MBNL2: variants seen among roughly 807,000 people sequenced by gnomAD.
MBNL2 encodes muscleblind-like protein 2.
MBNL2 carries 17 observed loss-of-function variants against 41.9 expected under a neutral mutation model. The observed-to-expected ratio is 0.41, with a 90% CI of 0.28 to 0.61. The LOEUF is 0.61. Ranked by LOEUF, MBNL2 falls within the 20% of genes least tolerant of loss-of-function variation. The pLI is 0.35. For missense variants in MBNL2, 336 were observed against 505.6 expected, an observed-to-expected ratio of 0.66 and a Z score of 3.22; for synonymous variants, 195 against 182.9, an observed-to-expected ratio of 1.07 and a Z score of -0.53.
At chr13:97,143,485 TGGA>T in the MBNL2 span, among the ~76,000 whole-genome samples, 2 of 152,196 alleles carry the variant, frequency 1.3e-5, no homozygotes, top group Admixed American at 6.5e-5. Flanking sequence ...TTCAGCAAGG[TGGA>T]GAACAGGAGG....
intron 8 of MBNL2, among the ~76,000 whole-genome samples, chr13:97,380,898 C>T (rs1005667022): frequency 6.6e-6 from 1 of 152,160 alleles, no homozygotes; most frequent in African/African-American, 2.4e-5. Context: ...ACTTACCGCA[C>T]TGCAGAGGTG....
At chr13:97,359,285 A>T (rs79788424) in intron 7 of MBNL2, among the ~76,000 whole-genome samples, 1 of 151,910 alleles carries the variant, frequency 6.6e-6, no homozygotes, top group Admixed American at 6.6e-5. Flanking sequence ...AAAAAAAAAA[A>T]TTAAGGAAGA....
At chr13:97,253,317 T>A (rs982210244) in intron 1 of MBNL2, among the ~76,000 whole-genome samples, 10 of 152,196 alleles carry the variant, frequency 6.6e-5, no homozygotes, top group Non-Finnish European at 1.0e-4. Flanking sequence ...AATGAAAAAG[T>A]ATAGTCCCAA....
chr13:97,363,863 AG>A (rs2063629883), intron 7 of MBNL2, among the ~76,000 whole-genome samples: 1 of 152,116 alleles, frequency 6.6e-6, no homozygotes, highest in Non-Finnish European at 1.5e-5. Context: ...TCAGGCAAAA[AG>A]TCGCCCTCCA....
intron 2 of MBNL2, among the ~76,000 whole-genome samples, chr13:97,311,988 T>G (rs1341683939): frequency 6.6e-6 from 1 of 152,234 alleles, no homozygotes; most frequent in Non-Finnish European, 1.5e-5. Context: ...ACTCTTGGTG[T>G]TAACTTGAAT....
chr13:97,291,389 G>A (rs2055934723), intron 2 of MBNL2, among the ~76,000 whole-genome samples: 1 of 152,008 alleles, frequency 6.6e-6, no homozygotes, highest in Non-Finnish European at 1.5e-5. Context: ...CTACAGGCAT[G>A]TGCCACCACA....
chr13:97,356,412 C>T (rs988712310), intron 5 of MBNL2, among the ~76,000 whole-genome samples: 1 of 101,184 alleles, frequency 9.9e-6, no homozygotes, highest in East Asian at 2.4e-4. Context: ...ATGGCCCTTA[C>T]AAATTTTGCA....
chr13:97,252,485 T>C (rs1237843967), intron 1 of MBNL2, among the ~76,000 whole-genome samples: 1 of 152,212 alleles, frequency 6.6e-6, no homozygotes, highest in African/African-American at 2.4e-5. Flanking sequence ...AGAACTAATA[T>C]TTTTAGATGA....
In MBNL2 at chr13:97,372,037, C is replaced by G. The variant is rs181039181; in HGVS notation, c.1048+6866C>G. ...GCTTCTGCTTAAAGGAAAGAGTCCC[C>G]TCAGGTGTAGAGTCAATGCATATTG... On this transcript the variant is annotated intron_variant, in intron 8 of 8. Coordinates refer to ENST00000679496, the MANE Select transcript of MBNL2 (RefSeq NM_001382683.1). 2.7e-3 allele frequency among the ~76,000 whole-genome samples: 416 copies of G among 152,310 alleles called. 7 individuals are homozygous for G. The highest frequency in any genetic ancestry group is 1.5e-3 in the Non-Finnish European group (102 of 68,022).
chr13:97,321,540 A>G (rs1242099692), intron 2 of MBNL2, among the ~76,000 whole-genome samples: 1 of 152,210 alleles, frequency 6.6e-6, no homozygotes, highest in Non-Finnish European at 1.5e-5. Context: ...TCTCCCATGG[A>G]CCACAGCAGG....
intron 1 of MBNL2, among the ~76,000 whole-genome samples, chr13:97,236,955 CAAATG>C (rs1172966344): frequency 6.6e-6 from 1 of 151,666 alleles, no homozygotes; most frequent in African/African-American, 2.4e-5. Flanking sequence ...GCAATCAAGA[CAAATG>C]GAAGGAAGGA....
At chr13:97,282,454 A>G (rs1344485856) in intron 2 of MBNL2, among the ~76,000 whole-genome samples, 1 of 152,204 alleles carries the variant, frequency 6.6e-6, no homozygotes, top group Non-Finnish European at 1.5e-5. Context: ...AGACAGAGAC[A>G]CTACAAGAGA....
At chr13:97,172,882 G>A in the MBNL2 span, 16 of 152,208 alleles carry the variant, frequency 1.1e-4, no homozygotes, top group African/African-American at 3.6e-4. Context: ...GCACAGAAGA[G>A]TGTTTAGCAC....
At chr13:97,151,398 G>GT in the MBNL2 span, among the ~76,000 whole-genome samples, 2 of 151,998 alleles carry the variant, frequency 1.3e-5, no homozygotes, top group African/African-American at 4.8e-5. Context: ...CTTCAAGGAG[G>GT]TTAAAAAAAA....
intron 1 of MBNL2, among the ~76,000 whole-genome samples, chr13:97,266,485 G>A (rs2049829350): frequency 1.3e-5 from 2 of 152,170 alleles, no homozygotes; most frequent in African/African-American, 4.8e-5. Flanking sequence ...TGTGATTACA[G>A]GGCAGTCTTA....
chr13:97,217,862 G>T (rs2152752637), upstream of MBNL2, among the ~76,000 whole-genome samples: 1 of 152,172 alleles, frequency 6.6e-6, no homozygotes, highest in African/African-American at 2.4e-5. Context: ...AGGTGGTGGG[G>T]GGTTTAATTA....
At chr13:97,248,580 G>A (rs1218517074) in intron 1 of MBNL2, among the ~76,000 whole-genome samples, 1 of 152,146 alleles carries the variant, frequency 6.6e-6, no homozygotes, top group Non-Finnish European at 1.5e-5. Flanking sequence ...CCCAAAACAT[G>A]TGCTATGGGT....
intron 8 of MBNL2, among the ~76,000 whole-genome samples, chr13:97,384,753 A>G (rs201630754): frequency 6.6e-6 from 1 of 152,206 alleles, no homozygotes. Flanking sequence ...TTAAAGAGGC[A>G]GTGAAATATT....
At position 97,374,063 on chromosome 13, in the gene MBNL2, A is replaced by ATTTTTTTTTTTT. The variant is rs61185219; in HGVS notation, c.1048+8910_1048+8921dup. On this transcript the variant is annotated intron_variant, in intron 8 of 8. Transcript: ENST00000679496. ...CACCTCAAATCCCATCCTCCTTTGCATTTTTTTTTTTTTTTTTTTTTTTTT... is the reference window on the plus strand; with the variant it reads ...CACCTCAAATCCCATCCTCCTTTGCATTTTTTTTTTTTTTTTTTTTTTTTTTTTTTTTTTTTT... Among the ~76,000 whole-genome samples, 427 of 63,104 alleles carry ATTTTTTTTTTTT rather than the reference A, an allele frequency of 6.8e-3. 60 individuals are homozygous for ATTTTTTTTTTTT. Among genetic ancestry groups the ATTTTTTTTTTTT allele is most frequent in the Non-Finnish European group, 9.1e-3 (296 of 32,504 alleles). The allele number at this position is 63,104 out of a possible 152,430, so 41.4% of individuals were successfully genotyped here. A position where few individuals can be genotyped will look rare whatever the true frequency, so the allele number is the denominator to read the frequency against.
Sources: gnomAD v4.1 joint callset for allele counts (sites outside exome capture counted in the v4.1 genomes callset) on GRCh38, gnomAD v4.1.1 for gene constraint, MANE v1.5 for transcripts, NCBI Gene and HGNC (gene_info 2026-07-23, HGNC 2026-07-21) for gene names.